Variants in DMD observed in about 807,000 individuals in gnomAD.
The protein encoded by DMD is dystrophin, also known as mutant dystrophin.
A neutral mutation model predicts 330.1 loss-of-function variants in DMD; 63 were observed. That is an observed-to-expected ratio of 0.19 (90% CI 0.16 to 0.24). The LOEUF is 0.24. DMD is among the 10% of genes least tolerant of loss of function. DMD has a pLI of 1.00. For synonymous variants in DMD, 1,223 were observed against 959.8 expected (o/e 1.27, Z -5.07); for missense variants, 3,344 against 2,684.1 (o/e 1.25, Z -5.43).
At chrX:32,819,026 T>TC (rs1481026807) in intron 5 of DMD, among the ~76,000 whole-genome samples, 2 of 103,931 alleles carry the variant, frequency 1.9e-5, no homozygotes, top group South Asian at 4.6e-4. Flanking sequence ...TTTTTTTTTT[T>TC]CCAGGGCATG....
At chrX:32,050,531 T>G (rs2147508672) in intron 44 of DMD, among the ~76,000 whole-genome samples, 1 of 112,046 alleles carries the variant, frequency 8.9e-6, no homozygotes, top group East Asian at 2.8e-4. Flanking sequence ...ATTTCTACAT[T>G]AAAATGTACA....
chrX:32,711,689 T>C (rs747992937), intron 7 of DMD, among the ~76,000 whole-genome samples: 1 of 111,973 alleles, frequency 8.9e-6, no homozygotes, highest in South Asian at 3.7e-4. Context: ...GTACCCCATA[T>C]CTCTACAGCA....
intron 7 of DMD, among the ~76,000 whole-genome samples, chrX:32,736,148 A>G (rs1011504811): frequency 1.8e-5 from 2 of 112,629 alleles, no homozygotes; most frequent in African/African-American, 6.5e-5. Flanking sequence ...TTATGCAGCC[A>G]AAAGACACAT....
intron 2 of DMD, among the ~76,000 whole-genome samples, chrX:32,956,756 G>T (rs2091617053): frequency 9.0e-6 from 1 of 111,235 alleles, no homozygotes; most frequent in South Asian, 3.8e-4. Context: ...GGAATGGTAA[G>T]AGAGGGCATC....
At chrX:32,163,225 T>C (rs986874498) in intron 44 of DMD, among the ~76,000 whole-genome samples, 4 of 111,731 alleles carry the variant, frequency 3.6e-5, no homozygotes, top group African/African-American at 1.3e-4. Context: ...TAGTGCTACC[T>C]TCCAAAAATA....
intron 44 of DMD, among the ~76,000 whole-genome samples, chrX:32,080,546 T>C (rs1450761953): frequency 8.9e-6 from 1 of 112,403 alleles, no homozygotes; most frequent in Non-Finnish European, 1.9e-5. Context: ...GAATTGTCTA[T>C]TTATATGCAT....
chrX:32,695,362 T>TG (rs1436795578), intron 9 of DMD, among the ~76,000 whole-genome samples: 1 of 111,961 alleles, frequency 8.9e-6, no homozygotes, highest in African/African-American at 3.2e-5. Flanking sequence ...TGGAAAATTT[T>TG]GGGGCACCTG....
At chrX:33,075,520 C>T (rs2094826400) in intron 1 of DMD, among the ~76,000 whole-genome samples, 1 of 112,190 alleles carries the variant, frequency 8.9e-6, no homozygotes, top group South Asian at 3.7e-4. Context: ...ACATTCTGAG[C>T]CTCCATAACT....
chrX:32,104,519 A>G (rs905083694), intron 44 of DMD, among the ~76,000 whole-genome samples: 1 of 111,831 alleles, frequency 8.9e-6, no homozygotes, highest in African/African-American at 3.3e-5. Context: ...CTCCCTTTTT[A>G]GAACCAACAT....
At chrX:32,033,511 T>C in intron 44 of DMD, among the ~76,000 whole-genome samples, 1 of 108,529 alleles carries the variant, frequency 9.2e-6, no homozygotes, top group Middle Eastern at 4.6e-3. Context: ...TATTTTATTG[T>C]ATCAAGTGGT....
intron 16 of DMD, among the ~76,000 whole-genome samples, chrX:32,557,458 C>T (rs775488888): frequency 2.7e-5 from 3 of 111,833 alleles, no homozygotes; most frequent in African/African-American, 9.7e-5. Context: ...AAATACACTA[C>T]ACACACACAA....
Position 31,713,961 on chromosome X carries a change from C to T in DMD, c.7660+15670G>A, listed in dbSNP as rs1037591989. 7.2e-5 allele frequency among the ~76,000 whole-genome samples: 8 copies of T among 111,346 alleles called. No homozygotes were observed. The South Asian group carries it at 1.5e-3, about 21-fold the overall frequency. The stretch of plus-strand genomic sequence containing the variant: ...GCAAATATAATTCAGTCACAGCCTC[C>T]GGGAAATGAATAAAATAATCTCACT... On this transcript the variant is annotated intron_variant, in intron 52 of 78. Coordinates refer to ENST00000357033, the MANE Select transcript of DMD (RefSeq NM_004006.3).
At chrX:32,275,799 G>A (rs1163000649) in intron 43 of DMD, among the ~76,000 whole-genome samples, 2 of 111,625 alleles carry the variant, frequency 1.8e-5, no homozygotes, top group Non-Finnish European at 1.9e-5. Flanking sequence ...GTGAGACGGA[G>A]TGGTGCAAGA....
intron 43 of DMD, among the ~76,000 whole-genome samples, chrX:32,253,710 G>A (rs923027707): frequency 3.6e-4 from 38 of 104,247 alleles, no homozygotes; most frequent in Non-Finnish European, 6.0e-4. Flanking sequence ...TGCAACCTCC[G>A]CCTGCTGGGT....
chrX:32,807,858 C>T (rs1485316352), intron 7 of DMD, among the ~76,000 whole-genome samples: 4 of 111,750 alleles, frequency 3.6e-5, no homozygotes, highest in Non-Finnish European at 7.5e-5. Flanking sequence ...TTTAAATCTT[C>T]TCTTACTGTT....
chrX:32,460,080 T>C (rs1357514533), intron 25 of DMD, among the ~76,000 whole-genome samples: 1 of 109,541 alleles, frequency 9.1e-6, no homozygotes, highest in Non-Finnish European at 1.9e-5. Context: ...TGAACAGTTA[T>C]TTCCAAAAGA....
intron 16 of DMD, among the ~76,000 whole-genome samples, chrX:32,565,138 T>A (rs904611602): frequency 1.8e-5 from 2 of 111,312 alleles, no homozygotes; most frequent in Non-Finnish European, 3.8e-5. Flanking sequence ...GTTTTCATAA[T>A]CTACAGCCCG....
chrX:32,159,373 T>G (rs1038677532), intron 44 of DMD, among the ~76,000 whole-genome samples: 26 of 112,189 alleles, frequency 2.3e-4, no homozygotes, highest in African/African-American at 7.8e-4. Context: ...GCTCCTTTTT[T>G]GTCATAACAA....
At chrX:31,535,836 A>T (rs999180339) in intron 55 of DMD, among the ~76,000 whole-genome samples, 4 of 111,710 alleles carry the variant, frequency 3.6e-5, no homozygotes, top group African/African-American at 6.5e-5. Flanking sequence ...TCCCAGTCTA[A>T]TCCGGGGTTT....
Sources: allele counts gnomAD v4.1 joint callset (sites outside exome capture counted in the v4.1 genomes callset), GRCh38; gene constraint gnomAD v4.1.1; transcripts MANE v1.5; gene names NCBI Gene and HGNC (gene_info 2026-07-23, HGNC 2026-07-21).